CPE: variants seen among roughly 807,000 people sequenced by gnomAD.
The protein encoded by CPE is carbocypeptidase E.
Under a neutral mutation model 53.5 loss-of-function variants are expected in CPE, and 17 were observed. The ratio of observed to expected loss-of-function variants is 0.32; its 90% confidence interval spans 0.22 to 0.48. The LOEUF (loss-of-function observed/expected upper bound fraction) is 0.48. Ranked by LOEUF, CPE falls within the 20% of genes least tolerant of loss-of-function variation. The pLI is 0.99. For missense variants in CPE, 524 were observed against 614.7 expected (o/e 0.85, Z 1.56); for synonymous variants, 226 against 228.8 (o/e 0.99, Z 0.11).
intron 1 of CPE, among the ~76,000 whole-genome samples, chr4:165,411,475 T>C (rs1388443039): frequency 6.6e-6 from 1 of 152,164 alleles, no homozygotes; most frequent in Non-Finnish European, 1.5e-5. Context: ...AGTTGGTAAA[T>C]CAGTGTCATA....
chr4:165,404,720 T>C, intron 1 of CPE: 1 of 840,920 alleles, frequency 1.2e-6, no homozygotes, highest in Non-Finnish European at 2.1e-6. Flanking sequence ...CCTGGTAGTA[T>C]AGAAGCCAGG....
intron 1 of CPE, among the ~76,000 whole-genome samples, chr4:165,456,122 G>A (rs1208767627): frequency 6.6e-6 from 1 of 152,152 alleles, no homozygotes; most frequent in African/African-American, 2.4e-5. Flanking sequence ...TATTGTGAAG[G>A]TCGTCTTGTA....
intron 1 of CPE, among the ~76,000 whole-genome samples, chr4:165,396,986 A>G (rs1730777765): frequency 6.6e-6 from 1 of 151,978 alleles, no homozygotes; most frequent in Non-Finnish European, 1.5e-5. Flanking sequence ...GCTTGAGCCC[A>G]GGAGGTTGAG....
chr4:165,449,548 G>C (rs1731773237), intron 1 of CPE, among the ~76,000 whole-genome samples: 1 of 152,140 alleles, frequency 6.6e-6, no homozygotes, highest in Non-Finnish European at 1.5e-5. Context: ...GGTTGGTTGA[G>C]TGTTGAAGAG....
intron 1 of CPE, among the ~76,000 whole-genome samples, chr4:165,419,303 A>G (rs1731170207): frequency 6.6e-6 from 1 of 152,168 alleles, no homozygotes; most frequent in Non-Finnish European, 1.5e-5. Flanking sequence ...CGTGTAAAGT[A>G]AAAGGCTGGG....
At chr4:165,387,532 C>T (rs958515665) in intron 1 of CPE, among the ~76,000 whole-genome samples, 7 of 152,234 alleles carry the variant, frequency 4.6e-5, no homozygotes, top group African/African-American at 1.4e-4. Context: ...TCTTCCTGGC[C>T]GGGCGTGGTG....
intron 1 of CPE, among the ~76,000 whole-genome samples, chr4:165,458,434 A>G (rs1335589862): frequency 6.6e-6 from 1 of 152,214 alleles, no homozygotes; most frequent in Admixed American, 6.5e-5. Flanking sequence ...TATAACTTCC[A>G]AATGAATTAG....
intron 1 of CPE, among the ~76,000 whole-genome samples, chr4:165,423,361 TTTC>T (rs200603868): frequency 0.018 from 2,805 of 152,212 alleles, 81 homozygotes; most frequent in African/African-American, 0.063. Flanking sequence ...TATTTTTAAT[TTTC>T]TTCTTTGATC....
intron 1 of CPE, among the ~76,000 whole-genome samples, chr4:165,461,509 C>T (rs935690341): frequency 1.3e-5 from 2 of 151,312 alleles, no homozygotes; most frequent in African/African-American, 4.9e-5. Context: ...AGGAGGGTTG[C>T]GTTTTAAAAA....
At chr4:165,492,881 G>A (rs1732631674) in intron 6 of CPE, among the ~76,000 whole-genome samples, 1 of 152,260 alleles carries the variant, frequency 6.6e-6, no homozygotes. Context: ...GACAATATGA[G>A]GAGTGGTCTC....
intron 1 of CPE, among the ~76,000 whole-genome samples, chr4:165,399,508 A>G (rs1025783149): frequency 6.6e-6 from 1 of 152,108 alleles, no homozygotes; most frequent in Non-Finnish European, 1.5e-5. Context: ...AGTAGCTGGG[A>G]CTACAGGCAC....
intron 1 of CPE, among the ~76,000 whole-genome samples, chr4:165,394,194 T>C (rs1579241047): frequency 6.6e-6 from 1 of 152,244 alleles, no homozygotes; most frequent in African/African-American, 2.4e-5. Flanking sequence ...GTAAATTACT[T>C]TGGGAGATGG....
intron 1 of CPE, among the ~76,000 whole-genome samples, chr4:165,411,999 G>A (rs1731049857): frequency 6.6e-6 from 1 of 152,058 alleles, no homozygotes; most frequent in Non-Finnish European, 1.5e-5. Context: ...CTAATCATTG[G>A]TAACTATTTT....
At chr4:165,426,666 C>T (rs1220746349) in intron 1 of CPE, among the ~76,000 whole-genome samples, 1 of 135,644 alleles carries the variant, frequency 7.4e-6, no homozygotes, top group African/African-American at 2.7e-5. Context: ...TAGGCTATTT[C>T]TGGATTAAAG....
At chr4:165,440,170 C>A (rs1235945686) in intron 1 of CPE, among the ~76,000 whole-genome samples, 1 of 152,130 alleles carries the variant, frequency 6.6e-6, no homozygotes, top group African/African-American at 2.4e-5. Flanking sequence ...TCCCAACATG[C>A]CGCTCCTGCT....
intron 1 of CPE, among the ~76,000 whole-genome samples, chr4:165,454,517 C>T (rs1015393903): frequency 1.3e-5 from 2 of 152,168 alleles, no homozygotes; most frequent in African/African-American, 4.8e-5. Flanking sequence ...AATGCTACTA[C>T]CTCTTTATCT....
intron 1 of CPE, among the ~76,000 whole-genome samples, chr4:165,382,285 C>T (rs1015072975): frequency 6.6e-6 from 1 of 152,102 alleles, no homozygotes; most frequent in South Asian, 2.1e-4. Flanking sequence ...AGTTTGTTGA[C>T]ATTTACAAAT....
At chr4:165,488,380 T>G (rs923120060) in intron 6 of CPE, among the ~76,000 whole-genome samples, 1 of 152,272 alleles carries the variant, frequency 6.6e-6, no homozygotes, top group African/African-American at 2.4e-5. Flanking sequence ...TCCAATGTGA[T>G]CCATATAGAA....
At chr4:165,389,927 T>C (rs141946156) in intron 1 of CPE, among the ~76,000 whole-genome samples, 19 of 152,192 alleles carry the variant, frequency 1.2e-4, no homozygotes, top group African/African-American at 4.1e-4. Context: ...TGACTGCACA[T>C]TTCAGAGTGA....
Sources: allele counts gnomAD v4.1 joint callset (sites outside exome capture counted in the v4.1 genomes callset), GRCh38; gene constraint gnomAD v4.1.1; transcripts MANE v1.5; gene names NCBI Gene and HGNC (gene_info 2026-07-23, HGNC 2026-07-21).